Variants in CLUH observed in about 807,000 individuals in gnomAD.
CLUH encodes clustered mitochondria protein homolog.
In CLUH, 77 loss-of-function variants were observed where a neutral mutation model predicts 139.3. The ratio of observed to expected loss-of-function variants is 0.55; its 90% CI spans 0.46 to 0.67. CLUH has a LOEUF of 0.67. Ranked by LOEUF, CLUH falls within the 30% of genes least tolerant of loss-of-function variation. The pLI is 0.00. For missense variants in CLUH, 1,876 were observed against 1,875.8 expected (o/e 1.00, Z 0.00); for synonymous variants, 999 against 801.6 (o/e 1.25, Z -4.16).
chr17:2,691,133 C>T (rs983488181), intron 25 of CLUH, among the ~76,000 whole-genome samples: 1 of 151,782 alleles, frequency 6.6e-6, no homozygotes, highest in Non-Finnish European at 1.5e-5. Flanking sequence ...CTCCTCAGCC[C>T]CCCCCCGCCG....
rs11078312 is a variant in CLUH, at chr17:2,696,892, G to T, written c.2012C>A (p.Ala671Asp). ...GGAGGAGGGGGTCTCCAGCTGGCTG[G>T]CGTTCTGCTGCATCAGCTGCAAGGC... The part of the protein sequence containing the change: ...LAALQLMQQN[A>D]SQLETPSSLE... The change falls in exon 11 of 26, where the codon GCC (alanine) becomes GAC (aspartate). Residue 671 changes from alanine (A) to aspartate (D), a missense_variant. Around this residue, in one of 3 missense-constraint regions of CLUH, gnomAD observed 1,454 missense variants for 1,384.4 expected, o/e 1.05. Coordinates refer to ENST00000651024, the MANE Select transcript of CLUH (RefSeq NM_001366661.1). 6.2e-7 allele frequency: 1 copy of T among 1,610,312 alleles called. No homozygotes were observed. Among genetic ancestry groups the T allele is most frequent in the South Asian group, 1.1e-5 (1 of 90,526 alleles).
intron 10 of CLUH, among the ~76,000 whole-genome samples, chr17:2,697,339 C>T (rs1281719948): frequency 1.3e-5 from 2 of 149,234 alleles, no homozygotes; most frequent in South Asian, 2.1e-4. Context: ...GCAGAGGTTG[C>T]GGTGAGCCGG....
At chr17:2,691,493 G>T in intron 25 of CLUH, 116 bp downstream of exon 25, 1 of 1,025,928 alleles carries the variant, frequency 9.7e-7, no homozygotes, top group Non-Finnish European at 1.5e-6. Flanking sequence ...CCCGGGAGGC[G>T]GAGGCTGCAG....
intron 3 of CLUH, among the ~76,000 whole-genome samples, chr17:2,702,768 C>T (rs1443874398): frequency 1.3e-5 from 2 of 150,586 alleles, no homozygotes; most frequent in East Asian, 1.9e-4. Context: ...GCTGACTTCA[C>T]GCCCTGGGAT....
Position 2,695,416 on chromosome 17 carries a change from C to T in CLUH, c.2502G>A (p.Leu834=), listed in dbSNP as rs748539979. 1.2e-6 allele frequency: 2 copies of T among 1,612,724 alleles called. No homozygotes were observed. The highest frequency in any genetic ancestry group is 2.2e-5 in the South Asian group (2 of 91,064). Residue 834 remains leucine, a synonymous_variant, in exon 14 of 26, where the codon CTG becomes CTA. Coordinates refer to ENST00000651024, the MANE Select transcript of CLUH (RefSeq NM_001366661.1). ...NMRYLGKVLE[L]VLRSPARHQL... is the part of the protein sequence containing the mutation. ...GGTGGCGGGCCGGGCTCCGCAGCAC[C>T]AGCTCCAGCACCTTGCCCAGGTAGC...
intron 9 of CLUH, among the ~76,000 whole-genome samples, chr17:2,699,616 C>A (rs2070102739): frequency 6.6e-6 from 1 of 150,998 alleles, no homozygotes; most frequent in Non-Finnish European, 1.5e-5. Context: ...GCGTGAGCCA[C>A]TGTGCCTGGC....
At chr17:2,697,042 C>T (rs2069976290) in intron 10 of CLUH, 100 bp from the exon 11 acceptor site, 1 of 857,172 alleles carries the variant, frequency 1.2e-6, no homozygotes, top group South Asian at 1.8e-5. Flanking sequence ...ACCCCGCAGG[C>T]ATAGGGCACC....
intron 3 of CLUH, among the ~76,000 whole-genome samples, chr17:2,702,333 G>A (rs568763581): frequency 2.1e-4 from 32 of 152,292 alleles, no homozygotes; most frequent in African/African-American, 7.0e-4. Context: ...GGCCTCAGGC[G>A]TCCACAAGGC....
intron 19 of CLUH, 30 bp from the exon 20 acceptor site, chr17:2,692,890 C>T (rs772607562): frequency 3.2e-6 from 5 of 1,546,500 alleles, no homozygotes; most frequent in Non-Finnish European, 3.5e-6. Context: ...GTTGCCGCGG[C>T]GTGGGAACCC....
At chr17:2,697,529 C>G (rs1434596563) in intron 10 of CLUH, among the ~76,000 whole-genome samples, 1 of 152,204 alleles carries the variant, frequency 6.6e-6, no homozygotes, top group Non-Finnish European at 1.5e-5. Flanking sequence ...TGTGGGACCT[C>G]TGACATGGCC....
At position 2,698,270 on chromosome 17, in the gene CLUH, G is replaced by A. The variant is rs1449217988; in HGVS notation, c.1587C>T (p.Ile529=). The change falls in exon 10 of 26, where the codon ATC becomes ATT. Residue 529 remains isoleucine, a synonymous_variant. Transcript: ENST00000651024. The stretch of plus-strand genomic sequence containing the variant: ...CGCTCTGCTCCTGGTCCCGCTCCAG[G>A]ATGCCGGGGATGATGGACTGGGCCG... The part of the protein sequence containing the change: ...RVTAQSIIPG[I]LERDQEQSVI... The A allele has an allele frequency of 1.2e-6, 2 of 1,610,438 alleles. No individual in the cohort carries two copies. The highest frequency in any genetic ancestry group is 1.7e-6 in the Non-Finnish European group (2 of 1,178,812).
Position 2,706,942 on chromosome 17 carries a change from C to A in CLUH, c.101-2378G>T, listed in dbSNP as rs561358629. Among the ~76,000 whole-genome samples the A allele has an allele frequency of 6.6e-6, 1 of 152,206 alleles. No individual in the cohort carries two copies. The highest frequency in any genetic ancestry group is 2.1e-4 in the South Asian group (1 of 4,836). On this transcript the variant is annotated intron_variant, in intron 1 of 25. Coordinates refer to ENST00000651024, the MANE Select transcript of CLUH (RefSeq NM_001366661.1). The surrounding 1 kb of genome is among the most constrained non-coding windows in gnomAD (Gnocchi z 4.6). ...GAGGGACGACAAGGCAAGGTGGCCG[C>A]GGCTCCCACTCTCCTTCCCCAGCCC...
intron 9 of CLUH, among the ~76,000 whole-genome samples, chr17:2,699,605 G>C (rs1166046200): frequency 1.3e-5 from 2 of 152,080 alleles, no homozygotes; most frequent in Admixed American, 1.3e-4. Context: ...TAGGATTACA[G>C]GCGTGAGCCA....
Position 2,698,175 on chromosome 17 carries a change from C to G in CLUH, c.1682G>C (p.Arg561Pro), listed in dbSNP as rs554152603. ...CAGGATCTTGAGGGGCCGACTCGTG[C>G]GCTCCAGCAGCTCCAGGTACCGCGG... ...SHPRYLELLERTSRPLKILRH... is the reference protein window; with the variant it reads ...SHPRYLELLEPTSRPLKILRH... The change falls in exon 10 of 26, where the codon CGC becomes CCC. Residue 561 changes from arginine to proline, a missense_variant. Coordinates refer to ENST00000651024, the MANE Select transcript of CLUH (RefSeq NM_001366661.1). 1.3e-6 allele frequency: 2 copies of G among 1,574,810 alleles called. No individual in the cohort carries two copies. Among genetic ancestry groups the G allele is most frequent in the Non-Finnish European group, 1.7e-6 (2 of 1,161,322 alleles).
rs570807419 is a variant in CLUH, at chr17:2,697,970, G to C, written c.1887C>G (p.Ala629=). ...TGTGCCGGTGGGCGCGGGGGAAGCC[G>C]GCGCGGGCGCATTCCTCAGGCAGCT... ...GEELPEECAR[A]GFPRAHRHKL... is the part of the protein sequence containing the mutation. The change falls in exon 10 of 26, where the codon GCC becomes GCG. Residue 629 remains alanine (A), a synonymous_variant. Coordinates refer to ENST00000651024, the MANE Select transcript of CLUH (RefSeq NM_001366661.1). 6.3e-7 allele frequency: 1 copy of C among 1,576,010 alleles called. No homozygotes were observed. Among genetic ancestry groups the C allele is most frequent in the South Asian group, 1.1e-5 (1 of 87,040 alleles).
At position 2,691,776 on chromosome 17, in the gene CLUH, G is replaced by A. The variant is rs1455678957; in HGVS notation, c.3774C>T (p.Asn1258=). The change falls in exon 24 of 26, where the codon AAC becomes AAT. Residue 1258 remains asparagine, a synonymous_variant. Transcript: ENST00000651024. ...NEIYRNGSSA[N]IPPLKFTAPS... ...CCGGACTCACCTTGAGGGGCGGGAT[G>A]TTGGCGCTGGAGCCGTTGCGGTAGA... 6.3e-7 allele frequency: 1 copy of A among 1,594,246 alleles called. No homozygotes were observed. The highest frequency in any genetic ancestry group is 8.5e-7 in the Non-Finnish European group (1 of 1,171,090).
At chr17:2,700,566 C>T in intron 8 of CLUH, 92 bp from the exon 9 acceptor site, 1 of 1,539,920 alleles carries the variant, frequency 6.5e-7, no homozygotes, top group South Asian at 1.2e-5. Flanking sequence ...TGAGAAGAGC[C>T]CCAGACTCCC....
chr17:2,696,610 C>T (rs1298137001), intron 11 of CLUH, 72 bp from the exon 12 acceptor site: 5 of 1,530,852 alleles, frequency 3.3e-6, no homozygotes, highest in Non-Finnish European at 4.4e-6. Flanking sequence ...CCAAGCCTCG[C>T]CCCCTAGCTC....
At chr17:2,701,076 T>G (rs1194420158) in intron 7 of CLUH, 64 bp downstream of exon 7, 18 of 1,609,848 alleles carry the variant, frequency 1.1e-5, no homozygotes, top group Non-Finnish European at 1.4e-5. Context: ...GGAGTGCAGG[T>G]GGGCCGGCTC....
Sources: allele counts gnomAD v4.1 joint callset (sites outside exome capture counted in the v4.1 genomes callset), GRCh38; gene constraint gnomAD v4.1.1; regional missense constraint gnomAD v4.1.1; non-coding constraint Gnocchi (gnomAD v3.1); transcripts MANE v1.5; gene names NCBI Gene and HGNC (gene_info 2026-07-23, HGNC 2026-07-21).